LRFN2: variants seen among roughly 807,000 people sequenced by gnomAD.
LRFN2 encodes the protein leucine-rich repeat and fibronectin type-III domain-containing protein 2.
In LRFN2, 18 loss-of-function variants were observed where a neutral mutation model predicts 37.3. That is an observed-to-expected ratio of 0.48 (90% CI 0.33 to 0.72). The LOEUF is 0.72. Ranked by LOEUF, LRFN2 falls within the 30% of genes least tolerant of loss-of-function variation. The probability of loss-of-function intolerance (pLI) is 0.02; values close to 1 mark genes in which losing one functional copy is unlikely to be tolerated. For synonymous variants in LRFN2, 556 were observed against 466.6 expected, an observed-to-expected ratio of 1.19 and a Z score of -2.47; for missense variants, 1,006 against 1,060.7, an observed-to-expected ratio of 0.95 and a Z score of 0.72.
At chr6:40,540,390 T>C (rs990701429) in intron 1 of LRFN2, among the ~76,000 whole-genome samples, 1 of 152,090 alleles carries the variant, frequency 6.6e-6, no homozygotes, top group African/African-American at 2.4e-5. Flanking sequence ...ATCCCAAGCT[T>C]TTGCAAAGCA....
At chr6:40,473,340 G>T (rs1764643421) in intron 1 of LRFN2, among the ~76,000 whole-genome samples, 1 of 152,158 alleles carries the variant, frequency 6.6e-6, no homozygotes, top group African/African-American at 2.4e-5. Context: ...ACTAGAAAGT[G>T]CCTCTGCTTC....
intron 2 of LRFN2, among the ~76,000 whole-genome samples, chr6:40,430,691 G>A (rs566859965): frequency 5.9e-4 from 90 of 152,236 alleles, no homozygotes; most frequent in African/African-American, 2.1e-3. Flanking sequence ...CCTAGGAAAT[G>A]ACCCCTTGAT....
At chr6:40,577,248 C>T (rs1448519123) in intron 1 of LRFN2, among the ~76,000 whole-genome samples, 4 of 152,030 alleles carry the variant, frequency 2.6e-5, no homozygotes, top group East Asian at 3.9e-4. Flanking sequence ...ACTACAGGCA[C>T]GCGCGGCCAT....
intron 1 of LRFN2, among the ~76,000 whole-genome samples, chr6:40,481,994 A>G (rs1216776370): frequency 6.6e-6 from 1 of 152,172 alleles, no homozygotes. Context: ...TCCTCATTTC[A>G]CAAGGGGGCA....
At chr6:40,408,763 G>A (rs1762901142) in intron 2 of LRFN2, among the ~76,000 whole-genome samples, 1 of 152,230 alleles carries the variant, frequency 6.6e-6, no homozygotes, top group Non-Finnish European at 1.5e-5. Flanking sequence ...ATAAATGAAG[G>A]AATGGTAAAC....
At chr6:40,411,967 TG>T (rs1400927163) in intron 2 of LRFN2, among the ~76,000 whole-genome samples, 1 of 152,200 alleles carries the variant, frequency 6.6e-6, no homozygotes, top group African/African-American at 2.4e-5. Flanking sequence ...AGCATTTCTT[TG>T]CTAGCATAGC....
At chr6:40,476,723 T>C (rs1764715623) in intron 1 of LRFN2, among the ~76,000 whole-genome samples, 1 of 152,258 alleles carries the variant, frequency 6.6e-6, no homozygotes, top group Admixed American at 6.5e-5. Context: ...GAGGATACAA[T>C]GCCTTCCTCT....
intron 1 of LRFN2, among the ~76,000 whole-genome samples, chr6:40,548,440 C>CAAAAAAAAAAAAAA (rs67639435): frequency 2.0e-4 from 28 of 142,646 alleles, no homozygotes; most frequent in Non-Finnish European, 4.0e-4. Context: ...GACTCCATCT[C>CAAAAAAAAAAAAAA]AAAAAAAAAA....
chr6:40,501,286 C>T (rs1765375426), intron 1 of LRFN2, among the ~76,000 whole-genome samples: 1 of 151,690 alleles, frequency 6.6e-6, no homozygotes, highest in Non-Finnish European at 1.5e-5. Context: ...AATCTTTTTA[C>T]CCTTGCCTGC....
At chr6:40,466,592 A>G (rs1764473079) in intron 1 of LRFN2, among the ~76,000 whole-genome samples, 1 of 152,144 alleles carries the variant, frequency 6.6e-6, no homozygotes, top group Admixed American at 6.5e-5. Flanking sequence ...GCCAGAGGAC[A>G]AAGATACAGC....
chr6:40,432,747 G>A lies in LRFN2; in HGVS notation c.367C>T (p.Leu123=), dbSNP rs763859999. ...PSLGEDTLRG[L]VNLQHLIVNN... is the part of the protein sequence containing the mutation. ...ACGATAAGGTGCTGCAGGTTGACCA[G>A]GCCCCGGAGGGTGTCCTCCCCAAGG... Residue 123 remains leucine (L), a synonymous_variant, in exon 2 of 3, where the codon CTG becomes TTG. Coordinates refer to ENST00000338305, the MANE Select transcript of LRFN2 (RefSeq NM_020737.3). 3.1e-6 allele frequency: 5 copies of A among 1,614,088 alleles called. No individual in the cohort carries two copies. The highest frequency in any genetic ancestry group is 3.4e-6 in the Non-Finnish European group (4 of 1,180,048).
At chr6:40,451,861 C>A (rs1281235191) in intron 1 of LRFN2, among the ~76,000 whole-genome samples, 1 of 152,208 alleles carries the variant, frequency 6.6e-6, no homozygotes, top group African/African-American at 2.4e-5. Context: ...CCTGGACCAT[C>A]TGGCTATCCA....
intron 2 of LRFN2, among the ~76,000 whole-genome samples, chr6:40,424,177 G>T (rs149659549): frequency 6.6e-6 from 1 of 152,194 alleles, no homozygotes; most frequent in African/African-American, 2.4e-5. Context: ...GATCCCAGGT[G>T]GTGGAGTGGA....
At chr6:40,461,929 G>C (rs546003881) in intron 1 of LRFN2, among the ~76,000 whole-genome samples, 1 of 152,264 alleles carries the variant, frequency 6.6e-6, no homozygotes, top group South Asian at 2.1e-4. Flanking sequence ...CATTAGCTGA[G>C]GTCCCATTTG....
rs533621809 is a variant in LRFN2, at chr6:40,440,272, G to A, written c.-18-7141C>T. Among the ~76,000 whole-genome samples, 18 of 152,212 alleles carry A rather than the reference G, an allele frequency of 1.2e-4. No individual in the cohort carries two copies. The South Asian group carries it at 1.5e-3, about 12-fold the overall frequency. ...GCTCAGAACCACTTCCTCTCTGTTC[G>A]CAATGACAGCATTATGCCTCCGTAT... On this transcript the variant is annotated intron_variant, in intron 1 of 2. Coordinates refer to ENST00000338305, the MANE Select transcript of LRFN2 (RefSeq NM_020737.3).
intron 2 of LRFN2, among the ~76,000 whole-genome samples, chr6:40,410,843 C>A (rs371262433): frequency 6.6e-6 from 1 of 152,134 alleles, no homozygotes; most frequent in Non-Finnish European, 1.5e-5. Flanking sequence ...TAGCCAGGAG[C>A]TTTAAGGTGG....
intron 1 of LRFN2, among the ~76,000 whole-genome samples, chr6:40,562,472 G>A (rs868102024): frequency 6.6e-6 from 1 of 152,054 alleles, no homozygotes; most frequent in African/African-American, 2.4e-5. Context: ...GGGAGGGGGA[G>A]AGAAGGGAGA....
At position 40,431,733 on chromosome 6, in the gene LRFN2, C is replaced by G; in HGVS notation, c.1381G>C (p.Asp461His). ...MYQLQYNCSD[D>H]EVLIYRMIPA... ...GCTCACCTGTAAATCAGTACCTCAT[C>G]GTCAGAGCAGTTGTACTGCAGCTGG... is the stretch of plus-strand genomic sequence containing the variant. Residue 461 changes from aspartate (D) to histidine (H), a missense_variant, in exon 2 of 3, where the codon GAT (aspartate) becomes CAT (histidine). This residue lies in a region of LRFN2 where 120 missense variants were observed against 178.4 expected (regional missense o/e 0.67). Transcript: ENST00000338305. 6.6e-7 allele frequency: 1 copy of G among 1,516,344 alleles called. No individual in the cohort carries two copies. Among genetic ancestry groups the G allele is most frequent in the Non-Finnish European group, 8.8e-7 (1 of 1,132,512 alleles). The allele number at this position is 1,516,344 out of a possible 1,614,324, so 93.9% of individuals were successfully genotyped here.
chr6:40,399,035 T>C (rs573185854), intron 2 of LRFN2, among the ~76,000 whole-genome samples: 2 of 151,970 alleles, frequency 1.3e-5, no homozygotes, highest in African/African-American at 4.8e-5. Flanking sequence ...AGGCTGCCAG[T>C]TGGAGTTGGC....
Sources: gnomAD v4.1 joint callset for allele counts (sites outside exome capture counted in the v4.1 genomes callset) on GRCh38, gnomAD v4.1.1 for gene constraint, gnomAD v4.1.1 regional missense constraint, MANE v1.5 for transcripts, NCBI Gene and HGNC (gene_info 2026-07-23, HGNC 2026-07-21) for gene names.